Variants in NTM observed in about 807,000 individuals in gnomAD.
NTM encodes IgLON family member 2.
NTM carries 13 observed loss-of-function variants against 42.1 expected under a neutral mutation model. The ratio of observed to expected loss-of-function variants is 0.31; its 90% CI spans 0.20 to 0.49. NTM has a LOEUF of 0.49. Among genes scored for constraint, NTM ranks in the 20% least tolerant of loss-of-function variants. The pLI is 0.99. For missense variants in NTM, 373 were observed against 452.8 expected (o/e 0.82, Z 1.60); for synonymous variants, 187 against 179.2 (o/e 1.04, Z -0.35).
chr11:131,856,026 A>G (rs1440012412), intron 1 of NTM, among the ~76,000 whole-genome samples: 1 of 152,208 alleles, frequency 6.6e-6, no homozygotes, highest in Non-Finnish European at 1.5e-5. Flanking sequence ...GAATACATGA[A>G]AGAAGAAACT....
chr11:131,712,997 G>T (rs975877726), intron 1 of NTM, among the ~76,000 whole-genome samples: 1 of 152,134 alleles, frequency 6.6e-6, no homozygotes, highest in Non-Finnish European at 1.5e-5. Flanking sequence ...AGGGAGCCCC[G>T]GTTGGTCAGG....
In NTM at chr11:132,225,141, A is replaced by G. The variant is rs139829507; in HGVS notation, c.526+12994A>G. Among the ~76,000 whole-genome samples, 850 of 152,316 alleles carry G rather than the reference A, an allele frequency of 5.6e-3. 6 individuals carry two copies. The highest frequency in any genetic ancestry group is 0.017 in the African/African-American group (717 of 41,562). ...GGCAGAATGAATCATCTTTTATTCA[A>G]TAGATATTTATTGAGTAGCTAAAGC... On this transcript the variant is annotated intron_variant, in intron 4 of 8. Transcript: ENST00000683400.
At chr11:131,507,621 G>C (rs540895217) in intron 1 of NTM, among the ~76,000 whole-genome samples, 2,338 of 149,382 alleles carry the variant, frequency 0.016, 62 homozygotes, top group African/African-American at 0.055. Flanking sequence ...GATGGGGATG[G>C]CATTGAATCT....
intron 3 of NTM, among the ~76,000 whole-genome samples, chr11:132,163,412 G>T (rs1029621882): frequency 1.3e-5 from 2 of 152,208 alleles, no homozygotes; most frequent in South Asian, 2.1e-4. Context: ...CAATGATAAT[G>T]CTATTTTTAT....
intron 1 of NTM, among the ~76,000 whole-genome samples, chr11:131,508,429 T>C (rs2047779742): frequency 6.7e-6 from 1 of 149,416 alleles, no homozygotes; most frequent in Admixed American, 6.7e-5. Flanking sequence ...ACTTTTACAC[T>C]GTTGGTGGGA....
At chr11:131,379,386 A>T (rs567225403) in intron 1 of NTM, among the ~76,000 whole-genome samples, 2 of 152,326 alleles carry the variant, frequency 1.3e-5, no homozygotes, top group African/African-American at 4.8e-5. Context: ...GCCTTCTTAT[A>T]GAATCCAGCC....
At chr11:132,051,587 G>A (rs1221967962) in intron 2 of NTM, among the ~76,000 whole-genome samples, 4 of 152,190 alleles carry the variant, frequency 2.6e-5, no homozygotes, top group East Asian at 3.9e-4. Context: ...CCCAGGCTCC[G>A]ACTGCCTGGA....
intron 2 of NTM, among the ~76,000 whole-genome samples, chr11:132,074,641 G>A (rs1401731404): frequency 6.6e-6 from 1 of 151,928 alleles, no homozygotes; most frequent in Non-Finnish European, 1.5e-5. Flanking sequence ...TTGCAACACT[G>A]TTCGCAACAA....
chr11:132,103,503 G>A (rs1049993370), intron 2 of NTM, among the ~76,000 whole-genome samples: 1 of 152,170 alleles, frequency 6.6e-6, no homozygotes, highest in African/African-American at 2.4e-5. Flanking sequence ...TTATTTTAAT[G>A]TATTATTTAG....
chr11:132,323,292 TAAAG>T (rs1226755395), intron 7 of NTM, among the ~76,000 whole-genome samples: 1 of 150,726 alleles, frequency 6.6e-6, no homozygotes, highest in Non-Finnish European at 1.5e-5. Context: ...GCAAGACTAA[TAAAG>T]AAAAAAAGAA....
intron 1 of NTM, among the ~76,000 whole-genome samples, chr11:131,591,068 C>A (rs1367627021): frequency 6.6e-6 from 1 of 152,196 alleles, no homozygotes; most frequent in African/African-American, 2.4e-5. Context: ...TTCAGTGCAT[C>A]CATTCTGGGA....
chr11:132,236,761 C>G (rs2089007862), intron 4 of NTM, among the ~76,000 whole-genome samples: 2 of 152,214 alleles, frequency 1.3e-5, no homozygotes, highest in African/African-American at 4.8e-5. Context: ...TTGCGCCACT[C>G]TCACCCGTGG....
intron 1 of NTM, among the ~76,000 whole-genome samples, chr11:131,734,043 A>G (rs940331305): frequency 6.6e-6 from 1 of 152,222 alleles, no homozygotes; most frequent in Non-Finnish European, 1.5e-5. Flanking sequence ...AATTCTTACA[A>G]TAGCAACTGA....
chr11:131,641,721 T>A (rs2065154164), intron 1 of NTM, among the ~76,000 whole-genome samples: 1 of 126,244 alleles, frequency 7.9e-6, no homozygotes, highest in Admixed American at 9.9e-5. Context: ...AAAGCTCTAA[T>A]AGTCTAGATT....
intron 4 of NTM, among the ~76,000 whole-genome samples, chr11:132,237,473 C>G (rs935988884): frequency 2.6e-5 from 4 of 152,174 alleles, no homozygotes; most frequent in Non-Finnish European, 4.4e-5. Context: ...ACTCTCTCAG[C>G]CTTTGGGCCA....
chr11:131,464,385 G>A (rs1565528963), intron 1 of NTM, among the ~76,000 whole-genome samples: 1 of 152,078 alleles, frequency 6.6e-6, no homozygotes, highest in African/African-American at 2.4e-5. Context: ...ACAAGGGAAA[G>A]GGGGCCCCGT....
intron 3 of NTM, among the ~76,000 whole-genome samples, chr11:132,156,510 T>G (rs2137526859): frequency 6.6e-6 from 1 of 152,346 alleles, no homozygotes; most frequent in South Asian, 2.1e-4. Context: ...AGTTAAAATG[T>G]GGCATTTGTC....
At chr11:131,450,388 C>A (rs1950390865) in intron 1 of NTM, among the ~76,000 whole-genome samples, 1 of 152,194 alleles carries the variant, frequency 6.6e-6, no homozygotes, top group Admixed American at 6.5e-5. Context: ...CTGCTATTAC[C>A]CTTGACAGTT....
intron 1 of NTM, among the ~76,000 whole-genome samples, chr11:131,864,022 A>C (rs1045502228): frequency 3.3e-5 from 5 of 152,164 alleles, no homozygotes; most frequent in Non-Finnish European, 7.3e-5. Flanking sequence ...AATGGAATGC[A>C]TGGAGTGCCC....
Sources: allele counts gnomAD v4.1 joint callset (sites outside exome capture counted in the v4.1 genomes callset), GRCh38; gene constraint gnomAD v4.1.1; transcripts MANE v1.5; gene names NCBI Gene and HGNC (gene_info 2026-07-23, HGNC 2026-07-21).